ST7: variants seen among roughly 807,000 people sequenced by gnomAD.
The protein encoded by ST7 is suppression of tumorigenicity 7, also known as suppressor of tumorigenicity 7 protein.
Under a neutral mutation model 78.7 loss-of-function variants are expected in ST7, and 28 were observed. That is an observed-to-expected ratio of 0.36 (90% CI 0.26 to 0.49). ST7 has a LOEUF of 0.49. ST7 is among the 20% of genes least tolerant of loss of function. ST7 has a pLI of 0.99. For missense variants in ST7, 418 were observed against 696.0 expected (o/e 0.60, Z 4.49); for synonymous variants, 247 against 249.6 (o/e 0.99, Z 0.10).
rs566497932 is a variant in ST7 at position 116,972,487 on chromosome 7, C to T, written c.151+18796C>T. Reference sequence around the variant, plus strand: ...TGCCAGCTCAGTTTGTTCCTCTGTGCGTTCCAAGTCTCTTTCAATGATCAC... The same window carrying T: ...TGCCAGCTCAGTTTGTTCCTCTGTGTGTTCCAAGTCTCTTTCAATGATCAC... On this transcript the variant is annotated intron_variant, in intron 1 of 15. Transcript: ENST00000323984. The T allele has an allele frequency of 1.1e-4, 102 of 890,294 alleles. No homozygotes were observed. In the African/African-American group the frequency reaches 1.6e-3, roughly 14 times the overall value. The allele number at this position is 890,294 out of a possible 1,614,324, so 55.1% of individuals were successfully genotyped here. A position where few individuals can be genotyped will look rare whatever the true frequency, so the allele number is the denominator to read the frequency against.
At chr7:117,052,726 C>G (rs1797847835) in intron 1 of ST7, among the ~76,000 whole-genome samples, 1 of 152,188 alleles carries the variant, frequency 6.6e-6, no homozygotes, top group Non-Finnish European at 1.5e-5. Context: ...AACCCCGTCT[C>G]TACTAAAAAT....
intron 1 of ST7, among the ~76,000 whole-genome samples, chr7:117,013,941 G>C (rs528718212): frequency 1.8e-4 from 27 of 152,292 alleles, no homozygotes; most frequent in South Asian, 1.0e-3. Context: ...TTTTGATATT[G>C]TATTGAAAAT....
At chr7:116,967,453 A>AG (rs1289494746) in intron 1 of ST7, 3 of 469,870 alleles carry the variant, frequency 6.4e-6, no homozygotes, top group African/African-American at 4.0e-5. Flanking sequence ...CAGCTTGTGC[A>AG]GGTCAGTGTC....
chr7:117,025,959 C>T (rs1466472790), intron 1 of ST7, among the ~76,000 whole-genome samples: 1 of 151,958 alleles, frequency 6.6e-6, no homozygotes, highest in Non-Finnish European at 1.5e-5. Context: ...CTTATTTTCC[C>T]TTCAGTATTG....
chr7:117,110,666 G>A (rs1159033143), intron 2 of ST7, among the ~76,000 whole-genome samples: 1 of 152,230 alleles, frequency 6.6e-6, no homozygotes, highest in Non-Finnish European at 1.5e-5. Context: ...CTTTATTCTA[G>A]CAGTAGCGTG....
intron 2 of ST7, among the ~76,000 whole-genome samples, chr7:117,117,151 G>A (rs1802953033): frequency 6.6e-6 from 1 of 152,144 alleles, no homozygotes; most frequent in Non-Finnish European, 1.5e-5. Flanking sequence ...AACTTGATGG[G>A]TAGTTCTCAT....
In ST7 at chr7:117,116,146, C is replaced by T. The variant is rs553478162; in HGVS notation, c.235-3415C>T. ...AACCAGCTTGATACTTTTTAGTTCT[C>T]GTCTTACTTGACCCTCTCAGGGGCA... On this transcript the variant is annotated intron_variant, in intron 2 of 15. Transcript: ENST00000323984. 4.6e-5 allele frequency among the ~76,000 whole-genome samples: 7 copies of T among 152,246 alleles called. No homozygotes were observed. The East Asian group carries it at 7.7e-4, about 17-fold the overall frequency.
intron 12 of ST7, among the ~76,000 whole-genome samples, chr7:117,192,320 T>A (rs1413476416): frequency 6.6e-6 from 1 of 152,206 alleles, no homozygotes; most frequent in African/African-American, 2.4e-5. Context: ...GAAGTAGTAT[T>A]GAGCAATAAG....
chr7:117,027,182 G>A (rs1364024395), intron 1 of ST7, among the ~76,000 whole-genome samples: 1 of 152,196 alleles, frequency 6.6e-6, no homozygotes, highest in African/African-American at 2.4e-5. Flanking sequence ...AGTGGCTCAC[G>A]CCTGTAATCC....
chr7:117,000,544 G>A (rs190769414), intron 1 of ST7, among the ~76,000 whole-genome samples: 3 of 152,312 alleles, frequency 2.0e-5, no homozygotes, highest in Non-Finnish European at 2.9e-5. Context: ...CAGCTTGTTC[G>A]AGAGCCTGTT....
intron 13 of ST7, among the ~76,000 whole-genome samples, chr7:117,213,312 A>T (rs563170194): frequency 1.3e-5 from 2 of 152,262 alleles, no homozygotes; most frequent in East Asian, 1.9e-4. Context: ...TCCCTTTTTC[A>T]TTAGAAAGAA....
chr7:116,965,481 C>A (rs28428685), intron 1 of ST7, among the ~76,000 whole-genome samples: 2 of 152,058 alleles, frequency 1.3e-5, no homozygotes, highest in African/African-American at 4.8e-5. Flanking sequence ...CTAGATAACA[C>A]GTTGATGGGT....
At chr7:117,127,657 CTGAA>C (rs1426275754) in intron 3 of ST7, among the ~76,000 whole-genome samples, 2 of 151,886 alleles carry the variant, frequency 1.3e-5, no homozygotes, top group African/African-American at 4.8e-5. Flanking sequence ...GATAGTTAAA[CTGAA>C]TGCAGCACAC....
At chr7:116,972,833 G>A (rs938773669) in intron 1 of ST7, 36 of 1,080,354 alleles carry the variant, frequency 3.3e-5, no homozygotes, top group Admixed American at 8.6e-5. Flanking sequence ...CGATCAGCTC[G>A]CTCCTCTGCA....
At chr7:117,182,901 A>G (rs1253098046) in intron 10 of ST7, among the ~76,000 whole-genome samples, 3 of 152,216 alleles carry the variant, frequency 2.0e-5, no homozygotes, top group Non-Finnish European at 2.9e-5. Context: ...TATAGAAGAG[A>G]TATGTTAACC....
rs548679239 is a variant in ST7, at chr7:117,050,772, T to G, written c.152-48990T>G. On this transcript the variant is annotated intron_variant, in intron 1 of 15. Coordinates refer to ENST00000323984, the MANE Select transcript of ST7 (RefSeq NM_001369598.1). The stretch of plus-strand genomic sequence containing the variant: ...GGTGAAACCCCGTCTCTACTAAAAA[T>G]ACAAAAATTTAGCTGGGCGTGATGG... Among the ~76,000 whole-genome samples, 420 of 151,930 alleles carry G rather than the reference T, an allele frequency of 2.8e-3. 2 individuals are homozygous for G. Among genetic ancestry groups the G allele is most frequent in the African/African-American group, 9.1e-3 (379 of 41,450 alleles).
At chr7:117,137,481 CTTTCT>C (rs1238330613) in intron 8 of ST7, 2 of 152,072 alleles carry the variant, frequency 1.3e-5, no homozygotes, top group Non-Finnish European at 2.9e-5. Context: ...CATTAATTTT[CTTTCT>C]TTTCTTCTCT....
At chr7:116,999,541 C>T (rs892305725) in intron 1 of ST7, among the ~76,000 whole-genome samples, 5 of 152,260 alleles carry the variant, frequency 3.3e-5, no homozygotes, top group Non-Finnish European at 5.9e-5. Flanking sequence ...TCAAAGGCCA[C>T]GCAGAGCATT....
chr7:117,227,944 C>G (rs565248841), intron 15 of ST7, among the ~76,000 whole-genome samples: 1 of 152,340 alleles, frequency 6.6e-6, no homozygotes, highest in East Asian at 1.9e-4. Flanking sequence ...AACTGCAGAT[C>G]CAACCTGACA....
Sources: gnomAD v4.1 joint callset for allele counts (sites outside exome capture counted in the v4.1 genomes callset) on GRCh38, gnomAD v4.1.1 for gene constraint, MANE v1.5 for transcripts, NCBI Gene and HGNC (gene_info 2026-07-23, HGNC 2026-07-21) for gene names.